Variants in TTC34 observed in about 807,000 individuals in gnomAD.
The protein encoded by TTC34 is tetratricopeptide repeat domain 34, also known as tetratricopeptide repeat protein 34.
TTC34 carries 44 observed loss-of-function variants against 40.7 expected under a neutral mutation model. The observed-to-expected ratio is 1.08, with a 90% CI of 0.85 to 1.39. The LOEUF (loss-of-function observed/expected upper bound fraction) is 1.39, where lower values mean the gene tolerates loss of function less well. Among genes scored for constraint, TTC34 ranks in the 40% most tolerant of loss-of-function variants. TTC34 has a pLI of 0.00. For synonymous variants in TTC34, 422 were observed against 398.6 expected (o/e 1.06, Z -0.70); for missense variants, 884 against 838.0 (o/e 1.05, Z -0.68).
exon 9 of TTC34, chr1:2,641,194 G>C: frequency 1.7e-6 from 1 of 578,460 alleles, no homozygotes; most frequent in South Asian, 3.0e-5. Flanking sequence ...GTTGGGAAGG[G>C]GGGTTGTGGG....
chr1:2,677,012 C>CTG (rs1639930114), intron 6 of TTC34, among the ~76,000 whole-genome samples: 10 of 68,718 alleles, frequency 1.5e-4, no homozygotes, highest in Non-Finnish European at 3.4e-4. Context: ...CCCACCACTC[C>CTG]CAGGCCAGCA....
chr1:2,695,712 A>C (rs1024854413), intron 6 of TTC34, among the ~76,000 whole-genome samples: 1 of 142,954 alleles, frequency 7.0e-6, no homozygotes, highest in South Asian at 2.3e-4. Flanking sequence ...AACAGCACCC[A>C]CACCCCCAGG....
At chr1:2,694,593 A>C (rs201491759) in intron 6 of TTC34, among the ~76,000 whole-genome samples, 5,599 of 29,946 alleles carry the variant, frequency 0.19, 489 homozygotes, top group Middle Eastern at 0.32. Flanking sequence ...ACCCACACCC[A>C]CAGGCGAGCA....
chr1:2,792,652 C>G (rs1643675646), intron 2 of TTC34, among the ~76,000 whole-genome samples: 1 of 152,208 alleles, frequency 6.6e-6, no homozygotes, highest in African/African-American at 2.4e-5. Flanking sequence ...TTCAGCCCAG[C>G]TAGTCTTTAC....
At chr1:2,750,214 G>C (rs1641269599) in intron 6 of TTC34, among the ~76,000 whole-genome samples, 1 of 152,116 alleles carries the variant, frequency 6.6e-6, no homozygotes, top group Non-Finnish European at 1.5e-5. Flanking sequence ...CCCCAGGTGC[G>C]CATCTGATGG....
chr1:2,755,461 C>A (rs1375409941), intron 6 of TTC34, among the ~76,000 whole-genome samples: 1 of 67,298 alleles, frequency 1.5e-5, no homozygotes, highest in South Asian at 7.3e-4. Flanking sequence ...AGGACCCACA[C>A]CCCCAGGTGA....
intron 6 of TTC34, among the ~76,000 whole-genome samples, chr1:2,753,073 C>A (rs1268950404): frequency 2.0e-5 from 3 of 149,114 alleles, no homozygotes; most frequent in Admixed American, 1.3e-4. Context: ...GAGCATCTGA[C>A]AGCCTGGAAC....
At chr1:2,768,490 G>T (rs568591174) in intron 6 of TTC34, among the ~76,000 whole-genome samples, 5 of 150,108 alleles carry the variant, frequency 3.3e-5, no homozygotes, top group Non-Finnish European at 7.4e-5. Context: ...GTGGGGAAAA[G>T]CTCCCCGCCC....
chr1:2,693,276 G>C (rs1220879730), intron 6 of TTC34, among the ~76,000 whole-genome samples: 22 of 140,762 alleles, frequency 1.6e-4, no homozygotes, highest in South Asian at 2.2e-4. Context: ...CCCCAGGTGA[G>C]CATCTGACAG....
intron 6 of TTC34, among the ~76,000 whole-genome samples, chr1:2,761,167 AG>A (rs1424492106): frequency 2.4e-4 from 8 of 33,388 alleles, no homozygotes; most frequent in East Asian, 1.1e-3. Flanking sequence ...CGACCCCCCC[AG>A]GGTGAGCATC....
chr1:2,691,617 C>A (rs981399835), intron 6 of TTC34, among the ~76,000 whole-genome samples: 2 of 124,324 alleles, frequency 1.6e-5, no homozygotes, highest in African/African-American at 2.8e-5. Flanking sequence ...GGAACAGCAC[C>A]CTGCACCCCC....
intron 8 of TTC34, among the ~76,000 whole-genome samples, chr1:2,642,882 C>G (rs1354737826): frequency 6.6e-6 from 1 of 152,240 alleles, no homozygotes. Flanking sequence ...CCGCAGGGCA[C>G]AGTGTGGCCT....
At chr1:2,695,354 AC>A (rs1472012415) in intron 6 of TTC34, among the ~76,000 whole-genome samples, 1 of 106,304 alleles carries the variant, frequency 9.4e-6, no homozygotes. Context: ...CAGCTCCCAC[AC>A]CCCCAGGTGA....
intron 6 of TTC34, among the ~76,000 whole-genome samples, chr1:2,652,507 C>A (rs1639179854): frequency 1.8e-3 from 251 of 142,528 alleles, no homozygotes; most frequent in African/African-American, 2.9e-3. Context: ...ATCTGACGGC[C>A]TGCAACAGCA....
At chr1:2,759,424 ATCAGCACCCACACTCCCAGGCGAGC>A in intron 6 of TTC34, among the ~76,000 whole-genome samples, 1 of 112,840 alleles carries the variant, frequency 8.9e-6, no homozygotes, top group Admixed American at 9.0e-5. Context: ...GACAGCCTGG[ATCAGCACCCACACTCCCAGGCGAGC>A]ATCTGACAGC....
chr1:2,644,754 G>T (rs746617838), intron 7 of TTC34, among the ~76,000 whole-genome samples: 7 of 152,304 alleles, frequency 4.6e-5, no homozygotes, highest in Admixed American at 2.0e-4. Context: ...GCAAACTCTG[G>T]GCCTGCTGGC....
exon 2 of TTC34, chr1:2,800,187 C>T (rs1009528221): frequency 5.8e-5 from 23 of 398,394 alleles, no homozygotes; most frequent in Non-Finnish European, 8.8e-5. Context: ...CGCCAGGAGT[C>T]GCTGGCCACC....
chr1:2,647,501 G>C (rs931283406), intron 6 of TTC34, among the ~76,000 whole-genome samples: 3 of 152,178 alleles, frequency 2.0e-5, no homozygotes, highest in African/African-American at 7.2e-5. Context: ...AGGCATAGTG[G>C]TGGGTGCCTG....
At chr1:2,685,112 C>T (rs1197409377) in intron 6 of TTC34, among the ~76,000 whole-genome samples, 1 of 145,914 alleles carries the variant, frequency 6.9e-6, no homozygotes, top group Non-Finnish European at 1.5e-5. Context: ...TGGATCAGCA[C>T]CCACACCCCC....
Sources: gnomAD v4.1 joint callset for allele counts (sites outside exome capture counted in the v4.1 genomes callset) on GRCh38, gnomAD v4.1.1 for gene constraint, MANE v1.5 for transcripts, NCBI Gene and HGNC (gene_info 2026-07-23, HGNC 2026-07-21) for gene names.